The following SEMA5A variants were observed in gnomAD, a reference collection of about 807,000 sequenced individuals.
The protein encoded by SEMA5A is semaphorin-5A.
Under a neutral mutation model 135.5 loss-of-function variants are expected in SEMA5A, and 55 were observed. The observed-to-expected ratio is 0.41, with a 90% CI of 0.33 to 0.51. The LOEUF (loss-of-function observed/expected upper bound fraction) is 0.51. SEMA5A is among the 20% of genes least tolerant of loss of function. SEMA5A has a pLI of 0.37. For synonymous variants in SEMA5A, 580 were observed against 546.5 expected (o/e 1.06, Z -0.85); for missense variants, 1,290 against 1,419.9 (o/e 0.91, Z 1.47).
intron 11 of SEMA5A, among the ~76,000 whole-genome samples, chr5:9,163,276 G>T (rs1441392819): frequency 6.7e-6 from 1 of 149,662 alleles, no homozygotes; most frequent in Non-Finnish European, 1.5e-5. Context: ...AAAAAAAAAA[G>T]AATTTAGATG....
chr5:9,105,959 A>G (rs952517037), intron 16 of SEMA5A, among the ~76,000 whole-genome samples: 1 of 152,212 alleles, frequency 6.6e-6, no homozygotes, highest in Non-Finnish European at 1.5e-5. Flanking sequence ...AACAATCCAA[A>G]GAAACCGAGC....
At chr5:9,479,555 T>C (rs926237357) in intron 1 of SEMA5A, among the ~76,000 whole-genome samples, 2 of 152,094 alleles carry the variant, frequency 1.3e-5, no homozygotes, top group South Asian at 2.1e-4. Flanking sequence ...TGTAGGAATG[T>C]TGTGTGGGTA....
At chr5:9,537,052 A>G (rs1358932492) in intron 1 of SEMA5A, among the ~76,000 whole-genome samples, 2 of 152,192 alleles carry the variant, frequency 1.3e-5, no homozygotes, top group Non-Finnish European at 2.9e-5. Flanking sequence ...TAACATTTGG[A>G]TGCTTTTCAA....
Position 9,545,249 on chromosome 5 carries a change from T to C in SEMA5A, c.-175+335A>G, listed in dbSNP as rs1738324014. On this transcript the variant is annotated intron_variant, in intron 1 of 22. Coordinates refer to ENST00000382496, the MANE Select transcript of SEMA5A (RefSeq NM_003966.3). This position sits in a 1 kb window ranked among gnomAD's most constrained non-coding sequence, Gnocchi z 4.5. ...CGCGCCGGGGGCGGGCACAGACCAG[T>C]GTGCGCACCTTTCCGGGTGTTGGGC... 6.6e-6 allele frequency among the ~76,000 whole-genome samples: 1 copy of C among 151,846 alleles called. No homozygotes were observed. The highest frequency in any genetic ancestry group is 1.5e-5 in the Non-Finnish European group (1 of 67,966).
rs145844379 is a variant in SEMA5A at position 9,047,221 on chromosome 5, G to A, written c.2894-2637C>T. On this transcript the variant is annotated intron_variant, in intron 21 of 22. Transcript: ENST00000382496. ...TGAAGGAAATACTTCCTGCTGCACCGGTAACTCATGTTTCATTATAACATA... is the reference window on the plus strand; with the variant it reads ...TGAAGGAAATACTTCCTGCTGCACCAGTAACTCATGTTTCATTATAACATA... Among the ~76,000 whole-genome samples, 236 of 152,244 alleles carry A rather than the reference G, an allele frequency of 1.6e-3. 3 individuals carry two copies. Among genetic ancestry groups the A allele is most frequent in the Admixed American group, 0.012 (190 of 15,288 alleles).
At chr5:9,339,839 G>C (rs1351424806) in intron 3 of SEMA5A, among the ~76,000 whole-genome samples, 1 of 152,086 alleles carries the variant, frequency 6.6e-6, no homozygotes, top group African/African-American at 2.4e-5. Flanking sequence ...TAGAAAGAAT[G>C]GTCTGGAAAG....
At chr5:9,536,958 C>T (rs781277296) in intron 1 of SEMA5A, among the ~76,000 whole-genome samples, 6 of 152,130 alleles carry the variant, frequency 3.9e-5, no homozygotes, top group East Asian at 1.9e-4. Flanking sequence ...AGTGAACATT[C>T]GAGGCCCTTC....
chr5:9,153,221 C>A (rs900615134), intron 12 of SEMA5A, among the ~76,000 whole-genome samples: 10 of 152,074 alleles, frequency 6.6e-5, no homozygotes, highest in Admixed American at 2.0e-4. Context: ...TATTTCTACT[C>A]CAAATCTGCA....
intron 3 of SEMA5A, among the ~76,000 whole-genome samples, chr5:9,372,721 G>A (rs1755192605): frequency 1.3e-5 from 2 of 151,872 alleles, no homozygotes; most frequent in Admixed American, 1.3e-4. Context: ...GCACTTAGAT[G>A]GCACATAGAG....
intron 1 of SEMA5A, among the ~76,000 whole-genome samples, chr5:9,482,451 G>C (rs1219813275): frequency 6.6e-6 from 1 of 152,096 alleles, no homozygotes. Flanking sequence ...ATACCTAAAG[G>C]CCAAGATTCT....
chr5:9,482,260 C>T (rs1012299110), intron 1 of SEMA5A, among the ~76,000 whole-genome samples: 6 of 152,038 alleles, frequency 3.9e-5, no homozygotes, highest in African/African-American at 9.7e-5. Context: ...TAGCATGTGT[C>T]CAAATGTGGC....
rs569148616 is a variant in SEMA5A, at chr5:9,359,392, T to G, written c.124+20431A>C. Among the ~76,000 whole-genome samples, 73 of 152,358 alleles carry G rather than the reference T, an allele frequency of 4.8e-4. No homozygotes were observed. In the South Asian group the frequency reaches 0.015, roughly 31 times the overall value. ...TAAGCATTTGTTGTTGGATTGCTAT[T>G]GTGAGGCATTGTTGAACTTGACATT... On this transcript the variant is annotated intron_variant, in intron 3 of 22. Coordinates refer to ENST00000382496, the MANE Select transcript of SEMA5A (RefSeq NM_003966.3).
At chr5:9,056,934 C>T (rs1736926090) in intron 18 of SEMA5A, among the ~76,000 whole-genome samples, 1 of 152,168 alleles carries the variant, frequency 6.6e-6, no homozygotes, top group Admixed American at 6.5e-5. Context: ...CAATGAAATA[C>T]TATTCAACCT....
chr5:9,241,192 GTT>G (rs1214655985), intron 5 of SEMA5A, among the ~76,000 whole-genome samples: 3 of 152,030 alleles, frequency 2.0e-5, no homozygotes, highest in Non-Finnish European at 2.9e-5. Context: ...TTTGCAGTAA[GTT>G]TTTTTCTGTA....
At chr5:9,395,962 G>A (rs1257289694) in intron 2 of SEMA5A, among the ~76,000 whole-genome samples, 2 of 152,118 alleles carry the variant, frequency 1.3e-5, no homozygotes, top group East Asian at 3.9e-4. Context: ...CTTCATTCTG[G>A]AAGGTCAGAT....
At chr5:9,301,364 G>A (rs751162246) in intron 5 of SEMA5A, among the ~76,000 whole-genome samples, 28 of 152,192 alleles carry the variant, frequency 1.8e-4, no homozygotes, top group Non-Finnish European at 4.0e-4. Flanking sequence ...TTTAATGTGA[G>A]CAGCAGACAG....
At chr5:9,106,366 C>T (rs1739916874) in intron 16 of SEMA5A, among the ~76,000 whole-genome samples, 1 of 152,184 alleles carries the variant, frequency 6.6e-6, no homozygotes, top group Non-Finnish European at 1.5e-5. Context: ...GGATGTCACA[C>T]ATACACACAT....
intron 5 of SEMA5A, among the ~76,000 whole-genome samples, chr5:9,301,533 A>G (rs1751609032): frequency 6.6e-6 from 1 of 152,156 alleles, no homozygotes; most frequent in African/African-American, 2.4e-5. Flanking sequence ...CCTAGTTACA[A>G]TGGCCTCTGT....
chr5:9,350,050 GGA>G (rs1474689824), intron 3 of SEMA5A, among the ~76,000 whole-genome samples: 1 of 152,144 alleles, frequency 6.6e-6, no homozygotes, highest in African/African-American at 2.4e-5. Context: ...AGCCATACCT[GGA>G]GAGTGGCTAC....
Sources: allele counts gnomAD v4.1 joint callset (sites outside exome capture counted in the v4.1 genomes callset), GRCh38; gene constraint gnomAD v4.1.1; non-coding constraint Gnocchi (gnomAD v3.1); transcripts MANE v1.5; gene names NCBI Gene and HGNC (gene_info 2026-07-23, HGNC 2026-07-21).